ACAD10: variants seen among roughly 807,000 people sequenced by gnomAD.
The protein encoded by ACAD10 is ACAD-10.
In ACAD10, 112 loss-of-function variants were observed where a neutral mutation model predicts 116.8. That is an observed-to-expected ratio of 0.96 (90% CI 0.82 to 1.12). The LOEUF (loss-of-function observed/expected upper bound fraction) is 1.12. ACAD10 is among the 50% of genes most tolerant of loss of function. The pLI is 0.00. For synonymous variants in ACAD10, 486 were observed against 510.6 expected, an observed-to-expected ratio of 0.95 and a Z score of 0.65; for missense variants, 1,259 against 1,350.2, an observed-to-expected ratio of 0.93 and a Z score of 1.06.
At chr12:111,700,369 CACAA>C (rs1446150544) in intron 2 of ACAD10, among the ~76,000 whole-genome samples, 4 of 152,184 alleles carry the variant, frequency 2.6e-5, no homozygotes, top group African/African-American at 7.2e-5. Flanking sequence ...AGCAATTCTG[CACAA>C]ACAACCTTGT....
chr12:111,743,393 G>A (rs1889804851), intron 12 of ACAD10, among the ~76,000 whole-genome samples: 1 of 150,470 alleles, frequency 6.6e-6, no homozygotes, highest in Admixed American at 6.6e-5. Flanking sequence ...TTTTGAAATG[G>A]AGTCTCGCTC....
intron 6 of ACAD10, among the ~76,000 whole-genome samples, chr12:111,713,318 A>G (rs1268203816): frequency 1.4e-5 from 2 of 139,634 alleles, no homozygotes; most frequent in African/African-American, 5.7e-5. Flanking sequence ...CTCGGGGGGA[A>G]AAAAAAAAAG....
chr12:111,702,103 C>T, intron 2 of ACAD10, 59 bp from the exon 3 acceptor site: 1 of 1,537,360 alleles, frequency 6.5e-7, no homozygotes, highest in Non-Finnish European at 8.8e-7. Context: ...TTTTCCTGAG[C>T]TCCCTAAACC....
At chr12:111,748,758 C>A in intron 17 of ACAD10, 2 of 544,710 alleles carry the variant, frequency 3.7e-6, no homozygotes, top group Non-Finnish European at 6.5e-6. Flanking sequence ...GGAAGTGGAC[C>A]CCAAACCTAC....
In ACAD10 at chr12:111,719,781, G is replaced by A. The variant is rs922293713; in HGVS notation, c.993-1890G>A. Among the ~76,000 whole-genome samples the A allele has an allele frequency of 5.9e-5, 9 of 151,984 alleles. No homozygotes were observed. In the East Asian group the frequency reaches 1.2e-3, roughly 20 times the overall value. On this transcript the variant is annotated intron_variant, in intron 7 of 20. Coordinates refer to ENST00000313698, the MANE Select transcript of ACAD10 (RefSeq NM_025247.6). ...CTCGCTCTGTTGCCCAGGCTGGAGC[G>A]CAGTGGCACGATCTCGGCCCACTGC...
chr12:111,715,338 A>G (rs1363897965), intron 6 of ACAD10, among the ~76,000 whole-genome samples: 6 of 152,238 alleles, frequency 3.9e-5, no homozygotes, highest in African/African-American at 1.4e-4. Context: ...ACATCTCATG[A>G]AAGCAGCTTT....
At chr12:111,747,666 G>A in intron 16 of ACAD10, 5 of 1,235,012 alleles carry the variant, frequency 4.0e-6, no homozygotes, top group Non-Finnish European at 5.1e-6. Context: ...TCCACTTCCT[G>A]CTGTTCATTC....
Position 111,709,627 on chromosome 12 carries a change from T to C in ACAD10, c.633T>C (p.Leu211=). 4 of 1,614,086 alleles carry C rather than the reference T, an allele frequency of 2.5e-6. No homozygotes were observed. Among genetic ancestry groups the C allele is most frequent in the East Asian group, 4.5e-5 (2 of 44,874 alleles). ...LGLQPSESIF[L]DDLGTNLKEA... is the part of the protein sequence containing the mutation. ...TGCAGCCCTCTGAGTCCATCTTTCTTGATGACCTTGGAACAAATCTAAAAG... is the reference window on the plus strand; with the variant it reads ...TGCAGCCCTCTGAGTCCATCTTTCTCGATGACCTTGGAACAAATCTAAAAG... The change falls in exon 5 of 21, where the codon CTT becomes CTC. Residue 211 remains leucine, a synonymous_variant. Coordinates refer to ENST00000313698, the MANE Select transcript of ACAD10 (RefSeq NM_025247.6).
chr12:111,718,084 T>C (rs113983443), intron 7 of ACAD10, among the ~76,000 whole-genome samples: 2,181 of 144,442 alleles, frequency 0.015, 73 homozygotes, highest in African/African-American at 0.053. Context: ...GAGTCTTGCT[T>C]TGTCATCCAG....
At chr12:111,732,552 A>T (rs1336380979) in intron 10 of ACAD10, among the ~76,000 whole-genome samples, 2 of 152,212 alleles carry the variant, frequency 1.3e-5, no homozygotes, top group African/African-American at 4.8e-5. Flanking sequence ...TATCTGTTAA[A>T]TCTGGAAGGT....
At chr12:111,741,739 A>C (rs953221812) in intron 12 of ACAD10, among the ~76,000 whole-genome samples, 1 of 152,236 alleles carries the variant, frequency 6.6e-6, no homozygotes, top group Admixed American at 6.5e-5. Flanking sequence ...AAAACCAACT[A>C]TACAAACATA....
At chr12:111,716,979 C>T (rs1164574400) in intron 7 of ACAD10, among the ~76,000 whole-genome samples, 2 of 152,198 alleles carry the variant, frequency 1.3e-5, no homozygotes, top group African/African-American at 4.8e-5. Context: ...TAATAGCTAA[C>T]ATTTATCGAA....
At chr12:111,691,954 G>C (rs1428289259) in intron 1 of ACAD10, among the ~76,000 whole-genome samples, 1 of 151,908 alleles carries the variant, frequency 6.6e-6, no homozygotes, top group East Asian at 1.9e-4. Context: ...GGGCAATGGG[G>C]AGCCATTGAA....
intron 10 of ACAD10, 35 bp from the exon 11 acceptor site, chr12:111,733,888 T>G: frequency 6.2e-7 from 1 of 1,613,504 alleles, no homozygotes; most frequent in Non-Finnish European, 8.5e-7. Flanking sequence ...GGCAGTTTTC[T>G]TAGTGCTGTC....
rs78174809 is a variant in ACAD10 at position 111,741,164 on chromosome 12, G to T, written c.1715-3479G>T. On this transcript the variant is annotated intron_variant, in intron 12 of 20. Transcript: ENST00000313698. ...CTGGTCTGATAAGCAGGGGATGCTGGAAGCAGGAATTTCTGGAAACAATAT... is the reference window on the plus strand; with the variant it reads ...CTGGTCTGATAAGCAGGGGATGCTGTAAGCAGGAATTTCTGGAAACAATAT... 3.7e-3 allele frequency among the ~76,000 whole-genome samples: 566 copies of T among 152,338 alleles called. 2 individuals are homozygous for T. The highest frequency in any genetic ancestry group is 6.1e-3 in the Non-Finnish European group (414 of 68,030).
chr12:111,710,862 G>C (rs77585612), intron 5 of ACAD10, among the ~76,000 whole-genome samples: 1 of 152,030 alleles, frequency 6.6e-6, no homozygotes, highest in African/African-American at 2.4e-5. Context: ...TCCCACCTCA[G>C]GCTTCCCAAG....
intron 11 of ACAD10, among the ~76,000 whole-genome samples, chr12:111,735,005 C>T (rs974106035): frequency 3.3e-5 from 5 of 152,084 alleles, no homozygotes; most frequent in African/African-American, 7.2e-5. Flanking sequence ...GGGTGGATCA[C>T]GAGGTCAGGA....
At chr12:111,749,564 A>G (rs1387281582) in intron 18 of ACAD10, 2 of 605,780 alleles carry the variant, frequency 3.3e-6, no homozygotes, top group Non-Finnish European at 5.6e-6. Flanking sequence ...GGTGACCTGA[A>G]GGGAAACGCC....
At chr12:111,708,560 C>G (rs572270665) in intron 4 of ACAD10, among the ~76,000 whole-genome samples, 1 of 152,092 alleles carries the variant, frequency 6.6e-6, no homozygotes, top group South Asian at 2.1e-4. Context: ...CCTGAAAGGG[C>G]AGTTCTCACC....
Sources: gnomAD v4.1 joint callset for allele counts (sites outside exome capture counted in the v4.1 genomes callset) on GRCh38, gnomAD v4.1.1 for gene constraint, MANE v1.5 for transcripts, NCBI Gene and HGNC (gene_info 2026-07-23, HGNC 2026-07-21) for gene names.